The following RTN1 variants were observed in gnomAD, a reference collection of about 807,000 sequenced individuals.
The protein encoded by RTN1 is reticulon-1.
Under a neutral mutation model 65.5 loss-of-function variants are expected in RTN1, and 25 were observed. That is an observed-to-expected ratio of 0.38 (90% CI 0.28 to 0.53). The LOEUF is 0.53. Ranked by LOEUF, RTN1 falls within the 20% of genes least tolerant of loss-of-function variation. The probability of loss-of-function intolerance (pLI) is 0.79; values close to 1 mark genes in which losing one functional copy is unlikely to be tolerated. For missense variants in RTN1, 983 were observed against 1,025.4 expected, an observed-to-expected ratio of 0.96 and a Z score of 0.57; for synonymous variants, 471 against 447.6, an observed-to-expected ratio of 1.05 and a Z score of -0.66.
chr14:59,774,115 G>A lies in RTN1; in HGVS notation c.242-27634C>T, dbSNP rs1185551455. On this transcript the variant is annotated intron_variant, in intron 1 of 8. Coordinates refer to ENST00000267484, the MANE Select transcript of RTN1 (RefSeq NM_021136.3). The surrounding 1 kb of genome is among the most constrained non-coding windows in gnomAD (Gnocchi z 5.1). ...ATTATGGTAAAGAGTGTCTGTAGTGGACTGACAGTTCCACTTACATGAAAG... is the reference window on the plus strand; with the variant it reads ...ATTATGGTAAAGAGTGTCTGTAGTGAACTGACAGTTCCACTTACATGAAAG... Among the ~76,000 whole-genome samples, 1 of 152,184 alleles carries A rather than the reference G, an allele frequency of 6.6e-6. No homozygotes were observed. Among genetic ancestry groups the A allele is most frequent in the Non-Finnish European group, 1.5e-5 (1 of 68,022 alleles).
chr14:59,707,686 CTT>C (rs1398144471), intron 3 of RTN1, among the ~76,000 whole-genome samples: 4 of 150,962 alleles, frequency 2.6e-5, no homozygotes, highest in African/African-American at 7.3e-5. Context: ...CTCTCTCTCT[CTT>C]TCCCTCTGTC....
intron 3 of RTN1, among the ~76,000 whole-genome samples, chr14:59,633,069 C>T (rs1328134254): frequency 6.6e-6 from 1 of 152,162 alleles, no homozygotes; most frequent in Non-Finnish European, 1.5e-5. Flanking sequence ...CACCACTGCA[C>T]TCCAGCCTGG....
At position 59,819,440 on chromosome 14, in the gene RTN1, C is replaced by A. The variant is rs1306827089; in HGVS notation, c.241+50950G>T. On this transcript the variant is annotated intron_variant, in intron 1 of 8. Coordinates refer to ENST00000267484, the MANE Select transcript of RTN1 (RefSeq NM_021136.3). ...CCCCCCCCCCACCCCCCACCCCCCC[C>A]CCCCGGCCACAGCTAGACACAGAGT... 3.8e-5 allele frequency among the ~76,000 whole-genome samples: 2 copies of A among 52,486 alleles called. 1 individual carries two copies. The highest frequency in any genetic ancestry group is 1.6e-4 in the African/African-American group (2 of 12,812). 34.4% of individuals were successfully genotyped at this position (52,486 alleles called of 152,430 possible).
intron 1 of RTN1, among the ~76,000 whole-genome samples, chr14:59,765,965 C>G (rs894547053): frequency 2.0e-5 from 3 of 152,208 alleles, no homozygotes; most frequent in Non-Finnish European, 4.4e-5. Context: ...CATGGTGGCT[C>G]ACGCCTGTAA....
intron 1 of RTN1, among the ~76,000 whole-genome samples, chr14:59,787,223 G>T (rs1886265217): frequency 6.6e-6 from 1 of 152,112 alleles, no homozygotes; most frequent in African/African-American, 2.4e-5. Flanking sequence ...AGCCCCCCTA[G>T]GGGAGCTATG....
intron 1 of RTN1, among the ~76,000 whole-genome samples, chr14:59,777,620 A>AGCCCCTTT (rs958384765): frequency 6.6e-6 from 1 of 152,210 alleles, no homozygotes; most frequent in Admixed American, 6.5e-5. Flanking sequence ...CCTGAATCCC[A>AGCCCCTTT]GCCCCTTTGC....
intron 3 of RTN1, among the ~76,000 whole-genome samples, chr14:59,661,512 G>C (rs1011174019): frequency 3.9e-5 from 6 of 152,050 alleles, no homozygotes; most frequent in African/African-American, 1.4e-4. Context: ...ATAAAATACT[G>C]GCAAACCAAA....
chr14:59,705,074 A>G (rs1251831356), intron 3 of RTN1, among the ~76,000 whole-genome samples: 2 of 152,166 alleles, frequency 1.3e-5, no homozygotes, highest in African/African-American at 4.8e-5. Context: ...GCCTAGAAGC[A>G]CCTTATCGAA....
intron 3 of RTN1, among the ~76,000 whole-genome samples, chr14:59,702,795 T>C (rs1566690797): frequency 6.6e-6 from 1 of 152,228 alleles, no homozygotes; most frequent in Non-Finnish European, 1.5e-5. Context: ...CTCACTCCTC[T>C]GCTTTCACCC....
At chr14:59,705,519 C>T (rs1387216534) in intron 3 of RTN1, among the ~76,000 whole-genome samples, 2 of 152,180 alleles carry the variant, frequency 1.3e-5, no homozygotes, top group Non-Finnish European at 2.9e-5. Context: ...AAAACAAATA[C>T]TGTGATTACT....
intron 3 of RTN1, among the ~76,000 whole-genome samples, chr14:59,666,962 CAAAAAA>C (rs146213616): frequency 8.3e-5 from 5 of 60,106 alleles, no homozygotes; most frequent in East Asian, 5.3e-4. Context: ...GCCGACCAAC[CAAAAAA>C]AAAAAAAAAA....
chr14:59,636,192 T>G (rs1283615511), intron 3 of RTN1, among the ~76,000 whole-genome samples: 1 of 152,238 alleles, frequency 6.6e-6, no homozygotes, highest in Non-Finnish European at 1.5e-5. Context: ...AATCTCATGT[T>G]GAAATATGAT....
intron 2 of RTN1, among the ~76,000 whole-genome samples, chr14:59,745,343 T>C (rs1885194735): frequency 6.6e-6 from 1 of 152,160 alleles, no homozygotes; most frequent in African/African-American, 2.4e-5. Context: ...ACAACCCAGA[T>C]CCTAGCCGAA....
At chr14:59,651,536 G>A (rs2208162) in intron 3 of RTN1, among the ~76,000 whole-genome samples, 64,037 of 151,814 alleles carry the variant, frequency 0.42, 14,443 homozygotes, top group African/African-American at 0.57. Flanking sequence ...TCAGGAGTTC[G>A]AGATCAGCCT....
At chr14:59,619,556 AG>A (rs1882199729) in intron 3 of RTN1, among the ~76,000 whole-genome samples, 1 of 152,158 alleles carries the variant, frequency 6.6e-6, no homozygotes, top group Non-Finnish European at 1.5e-5. Context: ...AATTTAGTAC[AG>A]GGGGCTGAAC....
chr14:59,774,719 A>G lies in RTN1; in HGVS notation c.242-28238T>C, dbSNP rs10498490. Reference sequence around the variant, plus strand: ...AACAGTGTGGATAAATCTAGTCCCAATAAGTCACCACTACTACAGTTGAGA... The same window carrying G: ...AACAGTGTGGATAAATCTAGTCCCAGTAAGTCACCACTACTACAGTTGAGA... On this transcript the variant is annotated intron_variant, in intron 1 of 8. Transcript: ENST00000267484. This position sits in a 1 kb window ranked among gnomAD's most constrained non-coding sequence, Gnocchi z 5.1. Among the ~76,000 whole-genome samples, 63,436 of 151,992 alleles carry G rather than the reference A, an allele frequency of 0.42. 14,026 individuals carry two copies. The highest frequency in any genetic ancestry group is 0.56 in the African/African-American group (23,114 of 41,454).
At chr14:59,731,890 A>G (rs1030652271) in intron 2 of RTN1, among the ~76,000 whole-genome samples, 22 of 152,208 alleles carry the variant, frequency 1.4e-4, no homozygotes, top group African/African-American at 5.3e-4. Context: ...TCTCAAGGTG[A>G]TTTTACCCAT....
intron 3 of RTN1, among the ~76,000 whole-genome samples, chr14:59,619,634 A>G (rs778183610): frequency 1.8e-4 from 27 of 152,152 alleles, no homozygotes; most frequent in Non-Finnish European, 2.1e-4. Context: ...GAAATCTCCA[A>G]TGGAGGGTAG....
intron 1 of RTN1, among the ~76,000 whole-genome samples, chr14:59,785,980 C>T (rs538469643): frequency 6.6e-6 from 1 of 152,254 alleles, no homozygotes; most frequent in East Asian, 1.9e-4. Context: ...TTCTTCTTTC[C>T]AAGTCTCTGT....
Sources: allele counts gnomAD v4.1 joint callset (sites outside exome capture counted in the v4.1 genomes callset), GRCh38; gene constraint gnomAD v4.1.1; non-coding constraint Gnocchi (gnomAD v3.1); transcripts MANE v1.5; gene names NCBI Gene and HGNC (gene_info 2026-07-23, HGNC 2026-07-21).